Variants in OTUD7A observed in about 807,000 individuals in gnomAD.
OTUD7A encodes OTU deubiquitinase 7A.
Under a neutral mutation model 65.7 loss-of-function variants are expected in OTUD7A, and 12 were observed. The ratio of observed to expected loss-of-function variants is 0.18; its 90% CI spans 0.12 to 0.30. The LOEUF is 0.30. OTUD7A is among the 10% of genes least tolerant of loss of function. The pLI is 1.00. For synonymous variants in OTUD7A, 641 were observed against 586.3 expected (o/e 1.09, Z -1.35); for missense variants, 1,148 against 1,304.8 (o/e 0.88, Z 1.85).
intron 1 of OTUD7A, among the ~76,000 whole-genome samples, chr15:31,700,964 C>G (rs1313250853): frequency 6.6e-6 from 1 of 152,078 alleles, no homozygotes; most frequent in African/African-American, 2.4e-5. Flanking sequence ...CAGAGCACAT[C>G]AGCCGTCTCC....
At chr15:31,502,694 C>A (rs139235684) in intron 9 of OTUD7A, among the ~76,000 whole-genome samples, 3 of 152,158 alleles carry the variant, frequency 2.0e-5, no homozygotes, top group Non-Finnish European at 1.5e-5. Context: ...TCCTCTGCCC[C>A]GCAACTCAGA....
intron 1 of OTUD7A, among the ~76,000 whole-genome samples, chr15:31,730,924 G>A (rs1424142603): frequency 1.3e-5 from 2 of 152,196 alleles, no homozygotes; most frequent in Admixed American, 1.3e-4. Flanking sequence ...CTGGAGAAGA[G>A]TTTAGTAGCA....
At chr15:31,738,730 C>T (rs1894259758) in intron 1 of OTUD7A, among the ~76,000 whole-genome samples, 1 of 152,134 alleles carries the variant, frequency 6.6e-6, no homozygotes, top group Admixed American at 6.6e-5. Flanking sequence ...TCACAGTGGC[C>T]CCAAAATGAT....
intron 1 of OTUD7A, among the ~76,000 whole-genome samples, chr15:31,857,691 A>C (rs554965751): frequency 6.6e-6 from 1 of 152,248 alleles, no homozygotes; most frequent in South Asian, 2.1e-4. Flanking sequence ...ACTGCCCCCC[A>C]CGTCCTTCAA....
intron 1 of OTUD7A, among the ~76,000 whole-genome samples, chr15:31,744,905 C>CA: frequency 6.6e-6 from 1 of 151,808 alleles, no homozygotes; most frequent in Non-Finnish European, 1.5e-5. Context: ...TGATTATATA[C>CA]TAGTAGCAAA....
intron 1 of OTUD7A, among the ~76,000 whole-genome samples, chr15:31,826,414 G>C (rs1299922546): frequency 2.0e-5 from 3 of 152,342 alleles, no homozygotes; most frequent in South Asian, 2.1e-4. Flanking sequence ...ACCATGGCTG[G>C]AGCAGCTGGG....
intron 1 of OTUD7A, among the ~76,000 whole-genome samples, chr15:31,727,160 C>T (rs1893914078): frequency 6.6e-6 from 1 of 152,208 alleles, no homozygotes. Flanking sequence ...AAGAACTTGG[C>T]CATGCATCCA....
intron 8 of OTUD7A, among the ~76,000 whole-genome samples, chr15:31,511,785 T>TGTAACATACATA (rs1566894048): frequency 1.3e-5 from 2 of 151,636 alleles, no homozygotes; most frequent in African/African-American, 4.8e-5. Flanking sequence ...TGTATATATA[T>TGTAACATACATA]TTTACTATCG....
At chr15:31,636,059 A>C (rs2925) in intron 3 of OTUD7A, among the ~76,000 whole-genome samples, 1 of 152,098 alleles carries the variant, frequency 6.6e-6, no homozygotes, top group Non-Finnish European at 1.5e-5. Flanking sequence ...TAAAATGCAC[A>C]TATTTAAGTT....
At chr15:31,743,116 A>T (rs1894386635) in intron 1 of OTUD7A, among the ~76,000 whole-genome samples, 2 of 152,176 alleles carry the variant, frequency 1.3e-5, no homozygotes, top group East Asian at 3.8e-4. Flanking sequence ...ATTGTCATTT[A>T]CAGAATACTC....
chr15:31,847,924 T>C (rs1897326817), intron 1 of OTUD7A, among the ~76,000 whole-genome samples: 1 of 152,016 alleles, frequency 6.6e-6, no homozygotes, highest in Non-Finnish European at 1.5e-5. Context: ...TCAGATCTCG[T>C]GAGAACCCAC....
Position 31,484,067 on chromosome 15 carries a change from C to A in OTUD7A, c.2029G>T (p.Glu677Ter). 6.5e-7 allele frequency: 1 copy of A among 1,546,290 alleles called. No individual in the cohort carries two copies. The highest frequency in any genetic ancestry group is 8.7e-7 in the Non-Finnish European group (1 of 1,152,292). The change falls in exon 13 of 13, where the codon GAG becomes TAG. Residue 677 changes from glutamate to a stop codon, truncating the protein, a stop_gained. Transcript: ENST00000307050. LOFTEE classifies it low-confidence loss of function (END_TRUNC). The surrounding 1 kb of genome is among the most constrained non-coding windows in gnomAD (Gnocchi z 4.5). ...GTAGCGGCGTCGCGGCGCCGCTGCTCCTGCTCGGCGCTGAAGCGCTCCTGC... is the reference window on the plus strand; with the variant it reads ...GTAGCGGCGTCGCGGCGCCGCTGCTACTGCTCGGCGCTGAAGCGCTCCTGC... ...SAQERFSAEQ[E>*]QRRRDAATAA...
chr15:31,720,152 G>A (rs548930732), intron 1 of OTUD7A, among the ~76,000 whole-genome samples: 29 of 150,708 alleles, frequency 1.9e-4, no homozygotes, highest in African/African-American at 7.0e-4. Flanking sequence ...AGAAAGAATC[G>A]TGGAAAAGTT....
At chr15:31,783,240 T>C (rs140857420) in intron 1 of OTUD7A, among the ~76,000 whole-genome samples, 1 of 152,292 alleles carries the variant, frequency 6.6e-6, no homozygotes, top group East Asian at 1.9e-4. Context: ...AATCAGAGCT[T>C]AACACCAATA....
rs1894939670 is a variant in OTUD7A, at chr15:31,760,767, AAGG to A, written c.-99-103693_-99-103691del. ...ATAGCCAGGATAATCTCGAAAAACA[AAGG>A]AGGACTCACATTTTCTGACTTTAAA... On this transcript the variant is annotated intron_variant, in intron 1 of 12. Coordinates refer to ENST00000307050, the MANE Select transcript of OTUD7A (RefSeq NM_001382637.1). Among the ~76,000 whole-genome samples the A allele has an allele frequency of 2.0e-5, 3 of 152,204 alleles. No homozygotes were observed. In the South Asian group the frequency reaches 6.2e-4, roughly 32 times the overall value.
intron 1 of OTUD7A, among the ~76,000 whole-genome samples, chr15:31,724,896 T>TG (rs1893841895): frequency 1.3e-5 from 2 of 149,880 alleles, no homozygotes; most frequent in South Asian, 2.1e-4. Flanking sequence ...GGGGCAGGGG[T>TG]GGGGGGCACG....
chr15:31,685,456 T>C (rs932557854), intron 1 of OTUD7A, among the ~76,000 whole-genome samples: 2 of 150,790 alleles, frequency 1.3e-5, no homozygotes, highest in Non-Finnish European at 3.0e-5. Flanking sequence ...CTATCCTGGC[T>C]AACACGGTGA....
chr15:31,743,746 AAAAAGAAAAG>A (rs148710847), intron 1 of OTUD7A, among the ~76,000 whole-genome samples: 30,366 of 151,626 alleles, frequency 0.2, 3,464 homozygotes, highest in Admixed American at 0.28. Context: ...ATCTCAAAAA[AAAAAGAAAAG>A]AAAAGAAAAG....
intron 1 of OTUD7A, among the ~76,000 whole-genome samples, chr15:31,791,205 T>G (rs1895804906): frequency 6.6e-6 from 1 of 152,068 alleles, no homozygotes; most frequent in Non-Finnish European, 1.5e-5. Context: ...TTTTGTATTT[T>G]TAGTAGAGAC....
Sources: gnomAD v4.1 joint callset for allele counts (sites outside exome capture counted in the v4.1 genomes callset) on GRCh38, gnomAD v4.1.1 for gene constraint, Gnocchi (gnomAD v3.1) non-coding constraint, MANE v1.5 for transcripts, NCBI Gene and HGNC (gene_info 2026-07-23, HGNC 2026-07-21) for gene names.